Variants in MYLK observed in about 807,000 individuals in gnomAD.
MYLK encodes myosin light chain kinase, also known as myosin light chain kinase, smooth muscle.
MYLK carries 106 observed loss-of-function variants against 203.4 expected under a neutral mutation model. That is an observed-to-expected ratio of 0.52 (90% CI 0.45 to 0.61). The LOEUF (loss-of-function observed/expected upper bound fraction) is 0.61, where lower values mean the gene tolerates loss of function less well. Among genes scored for constraint, MYLK ranks in the 20% least tolerant of loss-of-function variants. The pLI, the probability that MYLK is intolerant of heterozygous loss-of-function variation, is 0.00. For missense variants in MYLK, 2,072 were observed against 2,442.3 expected (o/e 0.85, Z 3.20); for synonymous variants, 867 against 959.5 (o/e 0.90, Z 1.78).
intron 4 of MYLK, among the ~76,000 whole-genome samples, chr3:123,790,282 A>G (rs1008854846): frequency 6.6e-6 from 1 of 152,258 alleles, no homozygotes; most frequent in African/African-American, 2.4e-5. Context: ...GGGCTTTTCC[A>G]GAAGCTCCCT....
At chr3:123,634,188 A>C (rs564707625) in intron 29 of MYLK, among the ~76,000 whole-genome samples, 14 of 152,330 alleles carry the variant, frequency 9.2e-5, no homozygotes, top group Admixed American at 9.1e-4. Context: ...GGACTGGCCG[A>C]GGAAGCAGCG....
intron 4 of MYLK, among the ~76,000 whole-genome samples, chr3:123,756,615 C>T (rs1016345316): frequency 1.3e-5 from 2 of 152,176 alleles, no homozygotes; most frequent in Non-Finnish European, 2.9e-5. Context: ...TCTTTCCTTT[C>T]CCCTGCATTC....
chr3:123,753,088 C>T (rs2063252907), intron 4 of MYLK, among the ~76,000 whole-genome samples: 1 of 152,184 alleles, frequency 6.6e-6, no homozygotes, highest in African/African-American at 2.4e-5. Flanking sequence ...CTGCACTGCC[C>T]AGCACGGTAG....
rs1026491159 is a variant in MYLK, at chr3:123,611,102, T to C, written c.*3003A>G. Reference sequence around the variant, plus strand: ...ATAAATTGTTAGGGACATTTGTGGATTGTGAGTGTCTTAAAAATGAAAACA... The same window carrying C: ...ATAAATTGTTAGGGACATTTGTGGACTGTGAGTGTCTTAAAAATGAAAACA... On this transcript the variant is annotated 3_prime_UTR_variant, in exon 34 of 34. Coordinates refer to ENST00000360304, the MANE Select transcript of MYLK (RefSeq NM_053025.4). 2 of 152,200 alleles carry C rather than the reference T, an allele frequency of 1.3e-5. No homozygotes were observed. The highest frequency in any genetic ancestry group is 4.8e-5 in the African/African-American group (2 of 41,442). 9.4% of individuals were successfully genotyped at this position (152,200 alleles called of 1,614,324 possible). A position where few individuals can be genotyped will look rare whatever the true frequency, so the allele number is the denominator to read the frequency against.
At chr3:123,692,364 C>A in intron 19 of MYLK, 2 of 1,176,480 alleles carry the variant, frequency 1.7e-6, no homozygotes, top group Non-Finnish European at 2.1e-6. Context: ...CCTGCCAGCT[C>A]GGACACTTGT....
intron 4 of MYLK, among the ~76,000 whole-genome samples, chr3:123,767,529 C>T (rs1397382512): frequency 6.6e-6 from 1 of 152,208 alleles, no homozygotes; most frequent in Non-Finnish European, 1.5e-5. Context: ...ATCACTTGAA[C>T]CTGGGAGGTG....
At chr3:123,614,408 C>T in intron 33 of MYLK, 59 bp from the exon 34 acceptor site, 1 of 1,607,166 alleles carries the variant, frequency 6.2e-7, no homozygotes, top group Non-Finnish European at 8.5e-7. Flanking sequence ...TTCTTATCAA[C>T]TCATGCAAGC....
chr3:123,790,861 G>A (rs374214258), intron 4 of MYLK, among the ~76,000 whole-genome samples: 6 of 152,282 alleles, frequency 3.9e-5, no homozygotes, highest in African/African-American at 9.6e-5. Flanking sequence ...TGCCTCCACC[G>A]TGGGCGCAAC....
chr3:123,834,352 T>G (rs1048391085), intron 2 of MYLK, among the ~76,000 whole-genome samples: 15 of 152,138 alleles, frequency 9.9e-5, no homozygotes, highest in Middle Eastern at 3.4e-3. Context: ...AGCCTCAGAG[T>G]TTGGTAACTT....
chr3:123,721,582 AG>A (rs1163592169), intron 13 of MYLK, among the ~76,000 whole-genome samples: 4 of 151,998 alleles, frequency 2.6e-5, no homozygotes, highest in African/African-American at 9.7e-5. Context: ...CGTGAGTAGA[AG>A]GGGGGCAGAA....
At chr3:123,834,566 G>A (rs2066428743) in intron 2 of MYLK, among the ~76,000 whole-genome samples, 1 of 151,958 alleles carries the variant, frequency 6.6e-6, no homozygotes, top group East Asian at 1.9e-4. Flanking sequence ...GGGGTTAAGG[G>A]TTAGGGGGAT....
In MYLK at chr3:123,737,513, C is replaced by A; in HGVS notation, c.619G>T (p.Val207Leu). The A allele has an allele frequency of 1.2e-6, 2 of 1,614,184 alleles. No homozygotes were observed. The highest frequency in any genetic ancestry group is 2.7e-5 in the African/African-American group (2 of 75,030). ...ATGCCGTTCTTCTCAGACACAGACA[C>A]ACGGGCACTCGGCTGCAGTGGAACA... Reference protein sequence around the residue: ...GNVPLQPSARVSVSEKNGMQV... With the variant: ...GNVPLQPSARLSVSEKNGMQV... Residue 207 changes from valine to leucine, a missense_variant, in exon 8 of 34, where the codon GTG becomes TTG. Val to Leu is a conservative substitution (Grantham distance 32). This residue lies in a region of MYLK where 683 missense variants were observed against 643.8 expected (regional missense o/e 1.06). Transcript: ENST00000360304.
chr3:123,791,334 C>T (rs191808948), intron 4 of MYLK, among the ~76,000 whole-genome samples: 43 of 152,356 alleles, frequency 2.8e-4, no homozygotes, highest in African/African-American at 9.6e-4. Flanking sequence ...TCTTTGAGGT[C>T]ACCAGGTCAG....
In MYLK at chr3:123,751,037, G is replaced by C. The variant is rs201630577; in HGVS notation, c.373+1294C>G. 2.6e-5 allele frequency among the ~76,000 whole-genome samples: 4 copies of C among 152,328 alleles called. No homozygotes were observed. The East Asian group carries it at 5.8e-4, about 22-fold the overall frequency. ...CCCAGGTGCACCTCGCCCCCTTCTGGAACCTTCCCTGACTACCTTAATTCT... is the reference window on the plus strand; with the variant it reads ...CCCAGGTGCACCTCGCCCCCTTCTGCAACCTTCCCTGACTACCTTAATTCT... On this transcript the variant is annotated intron_variant, in intron 5 of 33. Coordinates refer to ENST00000360304, the MANE Select transcript of MYLK (RefSeq NM_053025.4).
At chr3:123,696,550 C>A (rs2060935411) in intron 18 of MYLK, among the ~76,000 whole-genome samples, 1 of 152,058 alleles carries the variant, frequency 6.6e-6, no homozygotes, top group Admixed American at 6.5e-5. Flanking sequence ...GAGACCCCAG[C>A]CACTCAGGCA....
chr3:123,729,022 A>G (rs2108770275), intron 11 of MYLK, among the ~76,000 whole-genome samples: 1 of 152,278 alleles, frequency 6.6e-6, no homozygotes, highest in Admixed American at 6.5e-5. Flanking sequence ...GGGGAATGAG[A>G]TGTCCAGGAC....
rs147182004 is a variant in MYLK at position 123,635,023 on chromosome 3, A to T, written c.4961+3048T>A. ...CCCTATAGGGCCAGAAACTGCCCTG[A>T]TGGCTGGGCTGGGTGGGAGAGAGTA... is the stretch of plus-strand genomic sequence containing the variant. On this transcript the variant is annotated intron_variant, in intron 29 of 33. Coordinates refer to ENST00000360304, the MANE Select transcript of MYLK (RefSeq NM_053025.4). 8.2e-3 allele frequency among the ~76,000 whole-genome samples: 1,242 copies of T among 152,322 alleles called. 9 individuals carry two copies. Among genetic ancestry groups the T allele is most frequent in the Middle Eastern group, 0.044 (13 of 294 alleles).
chr3:123,868,405 T>C (rs758557860), intron 2 of MYLK, among the ~76,000 whole-genome samples: 8 of 152,228 alleles, frequency 5.3e-5, no homozygotes, highest in Non-Finnish European at 1.0e-4. Context: ...ACATTAATTG[T>C]GGAACAATTA....
chr3:123,868,294 T>C (rs2032477808), intron 2 of MYLK, among the ~76,000 whole-genome samples: 1 of 152,200 alleles, frequency 6.6e-6, no homozygotes, highest in Non-Finnish European at 1.5e-5. Flanking sequence ...ATGCTTTTCT[T>C]GGAATATAAT....
Sources: allele counts gnomAD v4.1 joint callset (sites outside exome capture counted in the v4.1 genomes callset), GRCh38; gene constraint gnomAD v4.1.1; regional missense constraint gnomAD v4.1.1; transcripts MANE v1.5; gene names NCBI Gene and HGNC (gene_info 2026-07-23, HGNC 2026-07-21).